MCTP1: variants seen among roughly 807,000 people sequenced by gnomAD.
MCTP1 encodes the protein multiple C2 and transmembrane domain-containing protein 1.
A neutral mutation model predicts 120.6 loss-of-function variants in MCTP1; 69 were observed. The observed-to-expected ratio is 0.57, with a 90% CI of 0.47 to 0.70. The LOEUF (loss-of-function observed/expected upper bound fraction) is 0.70. Among genes scored for constraint, MCTP1 ranks in the 30% least tolerant of loss-of-function variants. MCTP1 has a pLI of 0.00. For synonymous variants in MCTP1, 529 were observed against 493.1 expected, an observed-to-expected ratio of 1.07 and a Z score of -0.96; for missense variants, 1,203 against 1,248.8, an observed-to-expected ratio of 0.96 and a Z score of 0.55.
At chr5:94,875,301 G>A (rs2153337136) in intron 12 of MCTP1, among the ~76,000 whole-genome samples, 1 of 152,244 alleles carries the variant, frequency 6.6e-6, no homozygotes, top group East Asian at 1.9e-4. Context: ...ACAGTGGAAA[G>A]ACCAGAGAAG....
At chr5:95,157,077 C>A (rs1745207922) in intron 1 of MCTP1, among the ~76,000 whole-genome samples, 1 of 152,004 alleles carries the variant, frequency 6.6e-6, no homozygotes, top group African/African-American at 2.4e-5. Context: ...TACTCTGTGG[C>A]CCTAATACTT....
intron 2 of MCTP1, among the ~76,000 whole-genome samples, chr5:94,983,062 A>G (rs966913623): frequency 1.3e-5 from 2 of 152,084 alleles, no homozygotes; most frequent in South Asian, 4.1e-4. Context: ...ACACATGTAA[A>G]GTACCTTGGA....
intron 1 of MCTP1, among the ~76,000 whole-genome samples, chr5:95,110,743 C>A (rs1434092453): frequency 6.6e-6 from 1 of 152,154 alleles, no homozygotes; most frequent in Non-Finnish European, 1.5e-5. Context: ...ATCCCAGTCA[C>A]TGGCTAGGCT....
intron 17 of MCTP1, among the ~76,000 whole-genome samples, chr5:94,821,140 G>A (rs899123880): frequency 6.6e-6 from 1 of 152,148 alleles, no homozygotes; most frequent in Non-Finnish European, 1.5e-5. Flanking sequence ...CTGCATTTTG[G>A]TGTTGCAGCA....
intron 3 of MCTP1, among the ~76,000 whole-genome samples, chr5:94,948,049 T>A (rs1358523117): frequency 6.6e-6 from 1 of 152,118 alleles, no homozygotes; most frequent in Non-Finnish European, 1.5e-5. Context: ...AGTTTCAGAA[T>A]AACCATCACA....
chr5:94,870,997 C>G (rs368173879), intron 14 of MCTP1, 24 bp from the exon 15 acceptor site: 8 of 1,583,246 alleles, frequency 5.1e-6, no homozygotes, highest in Non-Finnish European at 6.9e-6. Context: ...ACATGACAGC[C>G]GTCTGTCTCG....
At chr5:95,119,770 G>C (rs1758068568) in intron 1 of MCTP1, among the ~76,000 whole-genome samples, 1 of 152,134 alleles carries the variant, frequency 6.6e-6, no homozygotes, top group Non-Finnish European at 1.5e-5. Flanking sequence ...AAATCCAGAA[G>C]AAACAGATAA....
At chr5:94,930,472 C>T (rs1814384205) in intron 6 of MCTP1, among the ~76,000 whole-genome samples, 2 of 151,632 alleles carry the variant, frequency 1.3e-5, no homozygotes, top group Admixed American at 1.3e-4. Flanking sequence ...TGGGGTTTCA[C>T]CATGTTGGCC....
At chr5:94,969,136 G>A (rs748495209) in intron 2 of MCTP1, among the ~76,000 whole-genome samples, 2 of 151,984 alleles carry the variant, frequency 1.3e-5, no homozygotes, top group Non-Finnish European at 2.9e-5. Flanking sequence ...GGAATTGGAC[G>A]GTTTCTATAA....
intron 19 of MCTP1, among the ~76,000 whole-genome samples, chr5:94,776,616 C>G (rs746748916): frequency 6.6e-6 from 1 of 152,160 alleles, no homozygotes; most frequent in Non-Finnish European, 1.5e-5. Context: ...TTACTTTTAT[C>G]CTATAAGAGG....
chr5:95,256,379 T>A (rs1282041867), intron 1 of MCTP1, among the ~76,000 whole-genome samples: 1 of 152,176 alleles, frequency 6.6e-6, no homozygotes, highest in Non-Finnish European at 1.5e-5. Context: ...TGTCCTCTCC[T>A]TACCCATCTC....
intron 1 of MCTP1, among the ~76,000 whole-genome samples, chr5:95,187,787 A>G (rs1216710510): frequency 6.6e-6 from 1 of 152,166 alleles, no homozygotes; most frequent in Non-Finnish European, 1.5e-5. Context: ...GAAACAATGA[A>G]TAAGACCTAC....
At chr5:94,972,209 A>G (rs1231699059) in intron 2 of MCTP1, among the ~76,000 whole-genome samples, 1 of 152,162 alleles carries the variant, frequency 6.6e-6, no homozygotes, top group Non-Finnish European at 1.5e-5. Flanking sequence ...CCCAGGCCCC[A>G]GAACTCTGGC....
intron 2 of MCTP1, among the ~76,000 whole-genome samples, chr5:94,999,857 C>T (rs1833327772): frequency 6.6e-6 from 1 of 152,074 alleles, no homozygotes; most frequent in Non-Finnish European, 1.5e-5. Flanking sequence ...AGAAAGGAAT[C>T]CCCCCACACA....
intron 1 of MCTP1, among the ~76,000 whole-genome samples, chr5:95,151,136 T>C (rs1180154026): frequency 7.0e-6 from 1 of 143,270 alleles, no homozygotes; most frequent in East Asian, 2.0e-4. Context: ...GGCTCATATA[T>C]ATATATATAT....
intron 17 of MCTP1, among the ~76,000 whole-genome samples, chr5:94,822,509 G>A (rs913868715): frequency 9.2e-5 from 14 of 152,138 alleles, no homozygotes; most frequent in African/African-American, 3.4e-4. Flanking sequence ...GAATAGTGCT[G>A]CAATAAACAT....
At chr5:95,032,542 A>G (rs1329706077) in intron 1 of MCTP1, among the ~76,000 whole-genome samples, 3 of 151,990 alleles carry the variant, frequency 2.0e-5, no homozygotes, top group Non-Finnish European at 4.4e-5. Context: ...TGACACAAAT[A>G]AAAATAGAGA....
chr5:94,719,951 A>G (rs140936217), intron 19 of MCTP1, among the ~76,000 whole-genome samples: 1,831 of 151,942 alleles, frequency 0.012, 41 homozygotes, highest in African/African-American at 0.043. Flanking sequence ...ACGTGGAGAA[A>G]CCCCGTCTCT....
chr5:95,209,259 C>T (rs1306766404), intron 1 of MCTP1, among the ~76,000 whole-genome samples: 1 of 152,146 alleles, frequency 6.6e-6, no homozygotes, highest in Non-Finnish European at 1.5e-5. Context: ...TTTCCTCTTC[C>T]CTGGCCAATC....
Sources: gnomAD v4.1 joint callset for allele counts (sites outside exome capture counted in the v4.1 genomes callset) on GRCh38, gnomAD v4.1.1 for gene constraint, MANE v1.5 for transcripts, NCBI Gene and HGNC (gene_info 2026-07-23, HGNC 2026-07-21) for gene names.